BAZ2B: variants seen among roughly 807,000 people sequenced by gnomAD.
The protein encoded by BAZ2B is bromodomain adjacent to zinc finger domain 2B, also known as bromodomain adjacent to zinc finger domain protein 2B.
BAZ2B carries 91 observed loss-of-function variants against 246.0 expected under a neutral mutation model. That is an observed-to-expected ratio of 0.37 (90% CI 0.31 to 0.44). The LOEUF is 0.44. BAZ2B is among the 20% of genes least tolerant of loss of function. The pLI, the probability that BAZ2B is intolerant of heterozygous loss-of-function variation, is 1.00. For synonymous variants in BAZ2B, 855 were observed against 860.0 expected, an observed-to-expected ratio of 0.99 and a Z score of 0.10; for missense variants, 2,332 against 2,533.7, an observed-to-expected ratio of 0.92 and a Z score of 1.71.
chr2:159,650,678 A>G, the BAZ2B span, among the ~76,000 whole-genome samples: 4 of 151,608 alleles, frequency 2.6e-5, no homozygotes, highest in African/African-American at 9.7e-5. Context: ...TCTTGTAGTG[A>G]CTCTCACCAC....
At chr2:159,353,672 G>A (rs1188978426) in intron 27 of BAZ2B, among the ~76,000 whole-genome samples, 1 of 152,180 alleles carries the variant, frequency 6.6e-6, no homozygotes, top group East Asian at 1.9e-4. Context: ...GATTAGAGGG[G>A]AAAGTGCCAG....
chr2:159,660,455 T>C, the BAZ2B span, among the ~76,000 whole-genome samples: 3 of 152,192 alleles, frequency 2.0e-5, no homozygotes, highest in Admixed American at 6.5e-5. Flanking sequence ...TATGTTTTCA[T>C]TTCTCTTGAG....
At chr2:159,476,038 G>A (rs2078503918) in intron 3 of BAZ2B, among the ~76,000 whole-genome samples, 1 of 152,146 alleles carries the variant, frequency 6.6e-6, no homozygotes, top group South Asian at 2.1e-4. Flanking sequence ...ACTTGAGGAG[G>A]TAATCTGTCC....
chr2:159,333,800 G>T (rs1464717867), intron 33 of BAZ2B, among the ~76,000 whole-genome samples: 1 of 152,074 alleles, frequency 6.6e-6, no homozygotes, highest in Non-Finnish European at 1.5e-5. Context: ...AATGACAGTT[G>T]TAGAATCTTA....
At chr2:159,350,721 C>T (rs1409648916) in intron 27 of BAZ2B, among the ~76,000 whole-genome samples, 1 of 152,128 alleles carries the variant, frequency 6.6e-6, no homozygotes, top group Non-Finnish European at 1.5e-5. Context: ...CAAAGGTGCA[C>T]CACCATGCCT....
chr2:159,385,018 C>T, intron 23 of BAZ2B, 137 bp downstream of exon 23: 2 of 898,306 alleles, frequency 2.2e-6, no homozygotes, highest in South Asian at 1.8e-5. Context: ...TCTCTAAATA[C>T]TGAGATAAGT....
intron 10 of BAZ2B, among the ~76,000 whole-genome samples, chr2:159,430,209 G>A (rs556963815): frequency 1.4e-4 from 21 of 152,088 alleles, no homozygotes; most frequent in African/African-American, 4.1e-4. Context: ...ATTTTCCTCC[G>A]CCTCTGCCAC....
At chr2:159,377,530 T>C (rs541668280) in intron 25 of BAZ2B, among the ~76,000 whole-genome samples, 19 of 152,174 alleles carry the variant, frequency 1.2e-4, no homozygotes, top group Non-Finnish European at 2.5e-4. Context: ...AAAAGTGAAA[T>C]ATGGCTGGGT....
chr2:159,619,591 A>C (rs1281924283), upstream of BAZ2B, among the ~76,000 whole-genome samples: 1 of 150,962 alleles, frequency 6.6e-6, no homozygotes, highest in Non-Finnish European at 1.5e-5. Flanking sequence ...AAATTATTTA[A>C]TGTTATTTGG....
At chr2:159,450,722 A>G (rs1239569617) in intron 4 of BAZ2B, among the ~76,000 whole-genome samples, 2 of 151,450 alleles carry the variant, frequency 1.3e-5, no homozygotes, top group African/African-American at 4.8e-5. Flanking sequence ...AAAGAACAGC[A>G]TAGTAGCAAC....
the BAZ2B span, among the ~76,000 whole-genome samples, chr2:159,666,836 C>G: frequency 6.6e-6 from 1 of 151,886 alleles, no homozygotes; most frequent in Non-Finnish European, 1.5e-5. Flanking sequence ...GCCTGGGCAA[C>G]AGAGCGAAGA....
chr2:159,582,573 T>C (rs972557681), intron 1 of BAZ2B, among the ~76,000 whole-genome samples: 30 of 152,094 alleles, frequency 2.0e-4, no homozygotes, highest in African/African-American at 6.3e-4. Context: ...TTTTAAGAGA[T>C]GGGGTCCCAC....
chr2:159,657,585 A>G, the BAZ2B span, among the ~76,000 whole-genome samples: 4 of 152,156 alleles, frequency 2.6e-5, no homozygotes, highest in Admixed American at 2.0e-4. Flanking sequence ...GACTCTTCCT[A>G]TCCATGTACA....
chr2:159,433,510 A>G lies in BAZ2B; in HGVS notation c.1294-147T>C, dbSNP rs1230473605. On this transcript the variant is annotated intron_variant, in intron 8 of 36. Coordinates refer to ENST00000392783, the MANE Select transcript of BAZ2B (RefSeq NM_013450.4). ...ATATACAAATGCTGTAAAAGTAGCA[A>G]CAGCTATGACTAGTTGGTTGCTACA... 1.0e-5 allele frequency: 7 copies of G among 678,872 alleles called. 1 individual carries two copies. In the African/African-American group the frequency reaches 1.3e-4, roughly 12 times the overall value. 42.1% of individuals were successfully genotyped at this position (678,872 alleles called of 1,614,324 possible).
At chr2:159,448,471 A>G in intron 4 of BAZ2B, 62 bp from the exon 5 acceptor site, 1 of 1,489,256 alleles carries the variant, frequency 6.7e-7, no homozygotes. Flanking sequence ...TTAACGTCAC[A>G]ATGGCTTTCT....
In BAZ2B at chr2:159,325,807, A is replaced by G. The variant is rs767326540; in HGVS notation, c.6055T>C (p.Ser2019Pro). ...TLTGDTEDED[S>P]ASTSSSLKRG... ...TTTAGTGAACTACTTGTAGATGCAG[A>G]GTCTTCATCTTCAGTATCTCCTGTT... Residue 2019 changes from serine to proline, a missense_variant, in exon 35 of 37, where the codon TCT becomes CCT. By Grantham distance (74) the Ser-to-Pro change is moderately conservative (BLOSUM62 -1). Transcript: ENST00000392783. 6.2e-7 allele frequency: 1 copy of G among 1,609,940 alleles called. No individual in the cohort carries two copies. The highest frequency in any genetic ancestry group is 8.5e-7 in the Non-Finnish European group (1 of 1,179,004).
intron 32 of BAZ2B, chr2:159,337,343 T>C (rs942685397): frequency 3.2e-6 from 4 of 1,233,248 alleles, no homozygotes; most frequent in South Asian, 1.6e-5. Context: ...ACCATGCAAA[T>C]AGCATGATCC....
chr2:159,402,088 C>G (rs2161079), intron 16 of BAZ2B, among the ~76,000 whole-genome samples: 1,824 of 152,238 alleles, frequency 0.012, 23 homozygotes, highest in Non-Finnish European at 0.018. Flanking sequence ...CAAGACTGAT[C>G]ACATTCTTTG....
At chr2:159,336,276 A>G (rs752323934) in intron 33 of BAZ2B, among the ~76,000 whole-genome samples, 30 of 152,248 alleles carry the variant, frequency 2.0e-4, no homozygotes, top group Non-Finnish European at 3.8e-4. Flanking sequence ...TTTAAAGTAA[A>G]TATTTCTCTG....
Sources: gnomAD v4.1 joint callset for allele counts (sites outside exome capture counted in the v4.1 genomes callset) on GRCh38, gnomAD v4.1.1 for gene constraint, MANE v1.5 for transcripts, NCBI Gene and HGNC (gene_info 2026-07-23, HGNC 2026-07-21) for gene names.